PBX1: variants seen among roughly 807,000 people sequenced by gnomAD.
PBX1 encodes pre-B-cell leukemia transcription factor 1.
A neutral mutation model predicts 53.4 loss-of-function variants in PBX1; 6 were observed. The ratio of observed to expected loss-of-function variants is 0.11; its 90% CI spans 0.06 to 0.22. The LOEUF (loss-of-function observed/expected upper bound fraction) is 0.22, where lower values mean the gene tolerates loss of function less well. Among genes scored for constraint, PBX1 ranks in the 10% least tolerant of loss-of-function variants. The pLI is 1.00. For synonymous variants in PBX1, 204 were observed against 212.3 expected (o/e 0.96, Z 0.34); for missense variants, 251 against 551.4 (o/e 0.46, Z 5.46).
intron 8 of PBX1, among the ~76,000 whole-genome samples, chr1:164,840,531 G>T (rs1344464598): frequency 3.3e-5 from 5 of 152,082 alleles, no homozygotes; most frequent in Non-Finnish European, 5.9e-5. Context: ...CTGTGCTCAG[G>T]GTGGTAACTG....
intron 2 of PBX1, among the ~76,000 whole-genome samples, chr1:164,755,347 CCATGTTGTT>C (rs960763866): frequency 6.6e-6 from 1 of 152,166 alleles, no homozygotes; most frequent in African/African-American, 2.4e-5. Flanking sequence ...TGAGGTTTCT[CCATGTTGTT>C]CAGGCTGGTC....
At chr1:164,719,872 CA>C (rs1664308483) in intron 2 of PBX1, among the ~76,000 whole-genome samples, 1 of 152,140 alleles carries the variant, frequency 6.6e-6, no homozygotes, top group Non-Finnish European at 1.5e-5. Flanking sequence ...GCAATGTGGA[CA>C]TGGCAAGCCT....
At chr1:164,756,207 G>A (rs1053115682) in intron 2 of PBX1, among the ~76,000 whole-genome samples, 3 of 152,012 alleles carry the variant, frequency 2.0e-5, no homozygotes, top group South Asian at 2.1e-4. Context: ...ATAGCACCGC[G>A]TAAGGATGGC....
At chr1:164,870,277 CTTT>C (rs1672334178) in intron 2 of PBX1, among the ~76,000 whole-genome samples, 2 of 19,384 alleles carry the variant, frequency 1.0e-4, no homozygotes, top group African/African-American at 3.1e-4. Flanking sequence ...TTCTTTCTTT[CTTT>C]CTTTCTTTCT....
At chr1:164,685,752 T>G (rs1255444975) in intron 2 of PBX1, among the ~76,000 whole-genome samples, 1 of 152,220 alleles carries the variant, frequency 6.6e-6, no homozygotes. Context: ...ATTAAGTTAA[T>G]TCCAAAGTCA....
At chr1:164,806,592 A>G (rs543451636) in intron 4 of PBX1, among the ~76,000 whole-genome samples, 143 of 152,344 alleles carry the variant, frequency 9.4e-4, no homozygotes, top group Middle Eastern at 3.4e-3. Flanking sequence ...TTTGTATAGA[A>G]GAGAGAGATT....
At chr1:164,609,346 A>G (rs1022446227) in intron 2 of PBX1, among the ~76,000 whole-genome samples, 1 of 152,120 alleles carries the variant, frequency 6.6e-6, no homozygotes. Context: ...CTGCTTCAGC[A>G]TGTTAGGCAC....
At position 164,847,082 on chromosome 1, in the gene PBX1, G is replaced by T; in HGVS notation, c.*406G>T. 9.1e-7 allele frequency: 1 copy of T among 1,095,768 alleles called. No homozygotes were observed. The highest frequency in any genetic ancestry group is 1.1e-6 in the Non-Finnish European group (1 of 895,892). The allele number at this position is 1,095,768 out of a possible 1,614,324, so 67.9% of individuals were successfully genotyped here. A position where few individuals can be genotyped will look rare whatever the true frequency, so the allele number is the denominator to read the frequency against. On this transcript the variant is annotated 3_prime_UTR_variant, in exon 9 of 9. Transcript: ENST00000420696. ...GTGTTTGTACGTTTTCATGCTGGTG[G>T]TTTGAGGAGCCAAATTTACCTCACT...
chr1:164,595,885 G>A (rs1222446950), intron 2 of PBX1, among the ~76,000 whole-genome samples: 1 of 152,178 alleles, frequency 6.6e-6, no homozygotes, highest in Non-Finnish European at 1.5e-5. Flanking sequence ...GGGAAATACA[G>A]CTGACAAAAT....
chr1:164,838,220 A>G (rs1287930201), intron 8 of PBX1, among the ~76,000 whole-genome samples: 3 of 152,198 alleles, frequency 2.0e-5, no homozygotes, highest in Non-Finnish European at 4.4e-5. Context: ...TACCGTGTGA[A>G]CATGGATCAG....
Position 164,792,743 on chromosome 1 carries a change from C to G in PBX1, c.510+5C>G, listed in dbSNP as rs768722126. The G allele has an allele frequency of 2.5e-6, 4 of 1,593,122 alleles. No individual in the cohort carries two copies. Among genetic ancestry groups the G allele is most frequent in the Non-Finnish European group, 3.4e-6 (4 of 1,165,692 alleles). On this transcript the variant is annotated splice_donor_5th_base_variant and intron_variant, in intron 3 of 8. Transcript: ENST00000420696. Reference sequence around the variant, plus strand: ...GAGCTGGAGAAATACGAGCAGGTAACCAGAACCACCTGGGGCTCGGCACCC... The same window carrying G: ...GAGCTGGAGAAATACGAGCAGGTAAGCAGAACCACCTGGGGCTCGGCACCC...
intron 2 of PBX1, among the ~76,000 whole-genome samples, chr1:164,633,437 A>G (rs1451548208): frequency 6.6e-6 from 1 of 152,346 alleles, no homozygotes; most frequent in East Asian, 1.9e-4. Flanking sequence ...GGCGTGAGCC[A>G]CAGCACGCAG....
chr1:164,721,506 C>T (rs1664404064), intron 2 of PBX1, among the ~76,000 whole-genome samples: 3 of 151,834 alleles, frequency 2.0e-5, no homozygotes, highest in African/African-American at 7.3e-5. Context: ...GACTTAAAAG[C>T]GAAAACAATT....
chr1:164,869,708 A>G (rs1672304698), intron 2 of PBX1, among the ~76,000 whole-genome samples: 1 of 152,250 alleles, frequency 6.6e-6, no homozygotes, highest in African/African-American at 2.4e-5. Flanking sequence ...GATAAATGCT[A>G]AAGAAAAATA....
At chr1:164,563,170 C>A in intron 1 of PBX1, 68 bp from the exon 2 acceptor site, 1 of 1,055,760 alleles carries the variant, frequency 9.5e-7, no homozygotes, top group Non-Finnish European at 1.5e-6. Context: ...AATGTTTTCA[C>A]CCTGTGCATT....
At chr1:164,563,344 C>T (rs748715611) in intron 2 of PBX1, 33 bp downstream of exon 2, 1 of 1,446,432 alleles carries the variant, frequency 6.9e-7, no homozygotes, top group South Asian at 1.2e-5. Context: ...TTAGCATTTT[C>T]TTTGGCCAAT....
chr1:164,728,075 A>G (rs1395766682), intron 2 of PBX1, among the ~76,000 whole-genome samples: 6 of 152,154 alleles, frequency 3.9e-5, no homozygotes, highest in Non-Finnish European at 8.8e-5. Flanking sequence ...CTGTAATCCT[A>G]TCACTTTGGG....
chr1:164,654,430 A>G (rs1342662027), intron 2 of PBX1, among the ~76,000 whole-genome samples: 1 of 152,202 alleles, frequency 6.6e-6, no homozygotes, highest in African/African-American at 2.4e-5. Context: ...ATGTCGTGTG[A>G]TTATCTCATC....
chr1:164,793,909 CTG>C (rs1024935079), intron 3 of PBX1, among the ~76,000 whole-genome samples: 8 of 111,454 alleles, frequency 7.2e-5, no homozygotes, highest in African/African-American at 2.8e-4. Context: ...GGGTCTCACT[CTG>C]TCACCCAGGC....
Sources: gnomAD v4.1 joint callset for allele counts (sites outside exome capture counted in the v4.1 genomes callset) on GRCh38, gnomAD v4.1.1 for gene constraint, MANE v1.5 for transcripts, NCBI Gene and HGNC (gene_info 2026-07-23, HGNC 2026-07-21) for gene names.